Variants in AGBL1 observed in about 807,000 individuals in gnomAD.
AGBL1 encodes AGBL carboxypeptidase 1, also known as cytosolic carboxypeptidase 4.
Under a neutral mutation model 118.9 loss-of-function variants are expected in AGBL1, and 130 were observed. The observed-to-expected ratio is 1.09, with a 90% CI of 0.95 to 1.26. AGBL1 has a LOEUF of 1.26. Among genes scored for constraint, AGBL1 ranks in the 50% most tolerant of loss-of-function variants. The pLI, the probability that AGBL1 is intolerant of heterozygous loss-of-function variation, is 0.00. For missense variants in AGBL1, 1,584 were observed against 1,298.1 expected, an observed-to-expected ratio of 1.22 and a Z score of -3.38; for synonymous variants, 555 against 478.9, an observed-to-expected ratio of 1.16 and a Z score of -2.08.
chr15:86,258,704 T>A (rs1385489604), intron 9 of AGBL1, among the ~76,000 whole-genome samples: 2 of 151,912 alleles, frequency 1.3e-5, no homozygotes, highest in Non-Finnish European at 2.9e-5. Context: ...CATGGCTGTG[T>A]TCCAAGAAAT....
At chr15:86,404,176 G>A (rs973669814) in intron 18 of AGBL1, among the ~76,000 whole-genome samples, 1 of 152,124 alleles carries the variant, frequency 6.6e-6, no homozygotes, top group African/African-American at 2.4e-5. Context: ...GGGTGCCTGG[G>A]AGAAGCCATG....
At chr15:86,361,901 C>A (rs1228950661) in intron 17 of AGBL1, among the ~76,000 whole-genome samples, 1 of 152,080 alleles carries the variant, frequency 6.6e-6, no homozygotes, top group Non-Finnish European at 1.5e-5. Flanking sequence ...TTCATTCAGC[C>A]ATTCTATGTC....
At chr15:86,670,527 C>T (rs1390128626) in intron 21 of AGBL1, among the ~76,000 whole-genome samples, 1 of 150,840 alleles carries the variant, frequency 6.6e-6, no homozygotes, top group Non-Finnish European at 1.5e-5. Flanking sequence ...TTGCTTGAAC[C>T]CAGGAGGCAG....
At position 86,143,783 on chromosome 15, in the gene AGBL1, C is replaced by G. The variant is rs1447496837; in HGVS notation, c.200C>G (p.Ala67Gly). 4 of 1,613,922 alleles carry G rather than the reference C, an allele frequency of 2.5e-6. No homozygotes were observed. The highest frequency in any genetic ancestry group is 3.4e-6 in the Non-Finnish European group (4 of 1,179,822). ...ACCCTGGTAGACACAGCGAGGACAG[C>G]TCCTCCAGACTATGACATCCTCCTG... is the stretch of plus-strand genomic sequence containing the variant. ...LQTLVDTART[A>G]PPDYDILLPL... is the part of the protein sequence containing the mutation. Residue 67 changes from alanine to glycine, a missense_variant, in exon 3 of 23, where the codon GCT (alanine) becomes GGT (glycine). By Grantham distance (60) the Ala-to-Gly change is moderately conservative. Coordinates refer to ENST00000614907, the MANE Select transcript of AGBL1 (RefSeq NM_001386094.1).
At chr15:86,246,444 A>T (rs73449522) in intron 6 of AGBL1, among the ~76,000 whole-genome samples, 1 of 152,152 alleles carries the variant, frequency 6.6e-6, no homozygotes, top group Non-Finnish European at 1.5e-5. Context: ...TCATGGCGTT[A>T]TCTGTCAGGC....
chr15:86,854,812 T>C (rs924485465), intron 22 of AGBL1, among the ~76,000 whole-genome samples: 2 of 152,202 alleles, frequency 1.3e-5, no homozygotes, highest in African/African-American at 4.8e-5. Context: ...TTCTCAGACT[T>C]TCCGCCTAGC....
intron 19 of AGBL1, among the ~76,000 whole-genome samples, chr15:86,526,762 A>G (rs909253011): frequency 4.6e-5 from 7 of 151,942 alleles, no homozygotes; most frequent in African/African-American, 1.7e-4. Context: ...GTAACCCAGG[A>G]ATGAAATATC....
intron 21 of AGBL1, among the ~76,000 whole-genome samples, chr15:86,653,238 C>T (rs1399765495): frequency 1.3e-5 from 2 of 152,060 alleles, no homozygotes; most frequent in African/African-American, 4.8e-5. Context: ...TTAGCCCTGG[C>T]TTGCCAAGCT....
intron 1 of AGBL1, among the ~76,000 whole-genome samples, chr15:86,086,620 T>C (rs954950018): frequency 6.6e-6 from 1 of 152,206 alleles, no homozygotes; most frequent in Non-Finnish European, 1.5e-5. Flanking sequence ...CCCTCCCTCC[T>C]TTCTTTCTTT....
intron 22 of AGBL1, among the ~76,000 whole-genome samples, chr15:86,897,107 C>G (rs1485317522): frequency 1.3e-5 from 2 of 152,322 alleles, no homozygotes; most frequent in East Asian, 3.9e-4. Context: ...GACACTGACT[C>G]CACAGTAGAG....
At position 86,826,402 on chromosome 15, in the gene AGBL1, T is replaced by C. The variant is rs367991123; in HGVS notation, c.3159-80685T>C. Among the ~76,000 whole-genome samples the C allele has an allele frequency of 1.2e-3, 177 of 152,152 alleles. 1 individual carries two copies. The highest frequency in any genetic ancestry group is 4.1e-3 in the African/African-American group (171 of 41,530). On this transcript the variant is annotated intron_variant, in intron 22 of 22. Coordinates refer to ENST00000614907, the MANE Select transcript of AGBL1 (RefSeq NM_001386094.1). The stretch of plus-strand genomic sequence containing the variant: ...CAGAAGAGTCGGGGCAATGGAAATA[T>C]TAGAATTGATTTATTACACGACATC...
intron 1 of AGBL1, among the ~76,000 whole-genome samples, chr15:86,091,801 T>A (rs1240918012): frequency 6.6e-6 from 1 of 152,092 alleles, no homozygotes; most frequent in East Asian, 1.9e-4. Context: ...CAATTATATA[T>A]CTCTCATGTA....
chr15:86,777,186 A>G (rs183642932), intron 22 of AGBL1, among the ~76,000 whole-genome samples: 210 of 152,166 alleles, frequency 1.4e-3, no homozygotes, highest in African/African-American at 4.9e-3. Context: ...AAACTCTCAT[A>G]TACATGAGGG....
chr15:86,117,148 C>T (rs1233611710), intron 1 of AGBL1, among the ~76,000 whole-genome samples: 1 of 151,878 alleles, frequency 6.6e-6, no homozygotes, highest in East Asian at 1.9e-4. Context: ...GGTGAGTGTT[C>T]TGGGGGTCCA....
chr15:86,984,372 T>G (rs1005921486), intron 23 of AGBL1, among the ~76,000 whole-genome samples: 58 of 151,514 alleles, frequency 3.8e-4, no homozygotes, highest in African/African-American at 1.2e-3. Flanking sequence ...TCTTTTTTTT[T>G]TTTTTTCCTG....
intron 21 of AGBL1, among the ~76,000 whole-genome samples, chr15:86,667,246 GTATGTATGTATC>G (rs1567111858): frequency 0.05 from 5,667 of 113,670 alleles, 339 homozygotes; most frequent in African/African-American, 0.16. Context: ...ATGTATGTAT[GTATGTATGTATC>G]TATCTATCTA....
intron 7 of AGBL1, 35 bp from the exon 8 acceptor site, chr15:86,256,818 A>G (rs962044039): frequency 3.7e-6 from 6 of 1,610,440 alleles, no homozygotes; most frequent in Non-Finnish European, 3.4e-6. Flanking sequence ...CTGTGCCCAG[A>G]TGTTGGCATC....
At chr15:86,390,660 ATTTT>A (rs756052402) in intron 17 of AGBL1, among the ~76,000 whole-genome samples, 29 of 75,472 alleles carry the variant, frequency 3.8e-4, no homozygotes, top group Admixed American at 1.1e-3. Flanking sequence ...ATACTGTATG[ATTTT>A]TTTTTTTTTT....
intron 21 of AGBL1, among the ~76,000 whole-genome samples, chr15:86,641,875 C>T (rs1396442447): frequency 6.6e-6 from 1 of 152,190 alleles, no homozygotes. Flanking sequence ...CATTTTCAGG[C>T]TCATGGATGT....
Sources: gnomAD v4.1 joint callset for allele counts (sites outside exome capture counted in the v4.1 genomes callset) on GRCh38, gnomAD v4.1.1 for gene constraint, MANE v1.5 for transcripts, NCBI Gene and HGNC (gene_info 2026-07-23, HGNC 2026-07-21) for gene names.